ATP8B1: variants seen among roughly 807,000 people sequenced by gnomAD.
ATP8B1 encodes phospholipid-transporting ATPase IC.
In ATP8B1, 80 loss-of-function variants were observed where a neutral mutation model predicts 149.9. The ratio of observed to expected loss-of-function variants is 0.53; its 90% CI spans 0.45 to 0.64. The LOEUF (loss-of-function observed/expected upper bound fraction) is 0.64. Ranked by LOEUF, ATP8B1 falls within the 30% of genes least tolerant of loss-of-function variation. The pLI is 0.00. For missense variants in ATP8B1, 1,247 were observed against 1,552.6 expected (o/e 0.80, Z 3.31); for synonymous variants, 536 against 562.8 (o/e 0.95, Z 0.67).
intron 2 of ATP8B1, among the ~76,000 whole-genome samples, chr18:57,714,527 C>T (rs1416830184): frequency 6.6e-6 from 1 of 151,300 alleles, no homozygotes; most frequent in Non-Finnish European, 1.5e-5. Flanking sequence ...TGTATCTCCA[C>T]CCCCCTAGCT....
At chr18:57,799,835 G>T (rs542796943) in intron 1 of ATP8B1, among the ~76,000 whole-genome samples, 1 of 152,114 alleles carries the variant, frequency 6.6e-6, no homozygotes, top group African/African-American at 2.4e-5. Flanking sequence ...ACAATACCAG[G>T]TCTTCAGTGA....
At chr18:57,709,852 G>T (rs987132313) in intron 2 of ATP8B1, among the ~76,000 whole-genome samples, 1 of 151,708 alleles carries the variant, frequency 6.6e-6, no homozygotes, top group African/African-American at 2.4e-5. Flanking sequence ...GCTAATTTTT[G>T]TATTTTTAGT....
intron 1 of ATP8B1, among the ~76,000 whole-genome samples, chr18:57,793,281 C>T (rs2080480764): frequency 6.6e-6 from 1 of 152,152 alleles, no homozygotes; most frequent in Admixed American, 6.6e-5. Flanking sequence ...GCACGTATGC[C>T]TGTGTCCGAT....
chr18:57,695,619 C>T, intron 8 of ATP8B1, 87 bp from the exon 9 acceptor site: 1 of 979,494 alleles, frequency 1.0e-6, no homozygotes, highest in Non-Finnish European at 1.6e-6. Flanking sequence ...ATTAGCCATA[C>T]CTGGACATGA....
At chr18:57,792,979 C>T (rs1042593490) in intron 1 of ATP8B1, among the ~76,000 whole-genome samples, 5 of 152,232 alleles carry the variant, frequency 3.3e-5, no homozygotes, top group African/African-American at 1.2e-4. Context: ...TCCTGAAAAC[C>T]GCCTCTTTTT....
chr18:57,701,033 C>T lies in ATP8B1; in HGVS notation c.554+6G>A, dbSNP rs771006684. ...TTGAAACTCAGTTACTAATTAGACA[C>T]AGTACCTGCCATCCTTAATGACTTC... On this transcript the variant is annotated splice_donor_region_variant and intron_variant, in intron 6 of 27. Coordinates refer to ENST00000648908, the MANE Select transcript of ATP8B1 (RefSeq NM_001374385.1). 1.2e-6 allele frequency: 2 copies of T among 1,612,320 alleles called. No homozygotes were observed. The highest frequency in any genetic ancestry group is 1.7e-5 in the Admixed American group (1 of 60,022).
chr18:57,657,948 T>G (rs1363641544), intron 22 of ATP8B1, among the ~76,000 whole-genome samples: 1 of 152,252 alleles, frequency 6.6e-6, no homozygotes. Context: ...CATTTAGAGT[T>G]TCCTGAAATC....
intron 2 of ATP8B1, among the ~76,000 whole-genome samples, chr18:57,727,257 CA>C (rs1017832494): frequency 2.6e-5 from 4 of 151,998 alleles, no homozygotes; most frequent in African/African-American, 9.7e-5. Context: ...TACAACCGAT[CA>C]GAGAAAGAAA....
chr18:57,733,920 TTA>T (rs2123158681), intron 1 of ATP8B1: 1 of 152,080 alleles, frequency 6.6e-6, no homozygotes, highest in Admixed American at 6.6e-5. Flanking sequence ...TTTCAAATAT[TTA>T]TATGAGGATT....
At chr18:57,763,415 C>T (rs1405414873) in intron 1 of ATP8B1, among the ~76,000 whole-genome samples, 1 of 151,960 alleles carries the variant, frequency 6.6e-6, no homozygotes, top group Non-Finnish European at 1.5e-5. Context: ...AAAAATTGTA[C>T]TCTAAAGATA....
chr18:57,662,452 T>G, intron 21 of ATP8B1, 31 bp downstream of exon 21: 1 of 1,613,524 alleles, frequency 6.2e-7, no homozygotes. Context: ...TTCTTTTGAG[T>G]TAAAGGCACA....
intron 1 of ATP8B1, among the ~76,000 whole-genome samples, chr18:57,795,490 T>C (rs2080506071): frequency 6.6e-6 from 1 of 152,060 alleles, no homozygotes; most frequent in South Asian, 2.1e-4. Context: ...GTAAACAAAA[T>C]GTGGTATGTG....
rs140177067 is a variant in ATP8B1 at position 57,709,214 on chromosome 18, G to A, written c.182-2627C>T. ...TGAGTTTAGGCTAATTGCTTGAGCT[G>A]TATTTCAATGAGATACCATGAAAAT... On this transcript the variant is annotated intron_variant, in intron 2 of 27. Transcript: ENST00000648908. 1.7e-3 allele frequency among the ~76,000 whole-genome samples: 259 copies of A among 152,242 alleles called. 8 individuals carry two copies. In the East Asian group the frequency reaches 0.04, roughly 24 times the overall value.
At chr18:57,739,494 C>T (rs1476328230) in intron 1 of ATP8B1, among the ~76,000 whole-genome samples, 1 of 152,184 alleles carries the variant, frequency 6.6e-6, no homozygotes, top group Non-Finnish European at 1.5e-5. Context: ...ATAAACTCTA[C>T]AAGAACAGAT....
chr18:57,779,665 C>T (rs2850235), intron 1 of ATP8B1, among the ~76,000 whole-genome samples: 35,231 of 151,902 alleles, frequency 0.23, 4,646 homozygotes, highest in East Asian at 0.5. Flanking sequence ...TTTGGGAGGC[C>T]GAGGCGGGTA....
At chr18:57,744,097 C>G (rs1056165768) in intron 1 of ATP8B1, among the ~76,000 whole-genome samples, 8 of 151,992 alleles carry the variant, frequency 5.3e-5, no homozygotes, top group African/African-American at 1.9e-4. Context: ...GGCTGACTGC[C>G]TGAGGTCCGG....
intron 15 of ATP8B1, among the ~76,000 whole-genome samples, chr18:57,676,474 A>G (rs558630398): frequency 1.4e-4 from 22 of 152,132 alleles, no homozygotes; most frequent in African/African-American, 5.3e-4. Context: ...AATCCCAGCA[A>G]TTTGGGAGGC....
chr18:57,699,784 C>T (rs1913027033), intron 6 of ATP8B1, among the ~76,000 whole-genome samples: 1 of 152,144 alleles, frequency 6.6e-6, no homozygotes, highest in Non-Finnish European at 1.5e-5. Context: ...AACTCCTGGC[C>T]TCAAGTGATC....
At chr18:57,675,599 A>C (rs1428804995) in intron 15 of ATP8B1, among the ~76,000 whole-genome samples, 2 of 152,084 alleles carry the variant, frequency 1.3e-5, no homozygotes, top group Admixed American at 1.3e-4. Context: ...AGGTCTCCCT[A>C]TGTTGTCCAG....
Sources: gnomAD v4.1 joint callset for allele counts (sites outside exome capture counted in the v4.1 genomes callset) on GRCh38, gnomAD v4.1.1 for gene constraint, MANE v1.5 for transcripts, NCBI Gene and HGNC (gene_info 2026-07-23, HGNC 2026-07-21) for gene names.